The following MYH7B variants were observed in gnomAD, a reference collection of about 807,000 sequenced individuals.
MYH7B encodes the protein myosin heavy chain 7B.
Under a neutral mutation model 234.5 loss-of-function variants are expected in MYH7B, and 205 were observed. That is an observed-to-expected ratio of 0.87 (90% CI 0.78 to 0.98). The LOEUF (loss-of-function observed/expected upper bound fraction) is 0.98, where lower values mean the gene tolerates loss of function less well. Among genes scored for constraint, MYH7B ranks in the 50% least tolerant of loss-of-function variants. The pLI is 0.00. For missense variants in MYH7B, 2,652 were observed against 2,633.4 expected (o/e 1.01, Z -0.15); for synonymous variants, 1,193 against 1,105.0 (o/e 1.08, Z -1.58).
intron 7 of MYH7B, chr20:34,980,099 G>T: frequency 2.1e-6 from 1 of 471,822 alleles, no homozygotes; most frequent in Admixed American, 3.3e-5. Context: ...GTGTGGGCTG[G>T]GGCAGGGCTG....
chr20:34,989,796 C>T lies in MYH7B; in HGVS notation c.1644C>T (p.Asp548=), dbSNP rs962539885. ...AATGCATGTTCCCCAAGGCCTCAGA[C>T]GCCAGCTTCCGGGCCAAGCTCTACG... The change falls in exon 20 of 45, where the codon GAC becomes GAT. Residue 548 remains aspartate, a synonymous_variant. Transcript: ENST00000262873. The T allele has an allele frequency of 5.0e-5, 80 of 1,614,074 alleles. No homozygotes were observed. The highest frequency in any genetic ancestry group is 1.6e-4 in the Middle Eastern group (1 of 6,084).
At position 35,002,022 on chromosome 20, in the gene MYH7B, A is replaced by G. The variant is rs971452731; in HGVS notation, c.5751A>G (p.Ala1917=). 5 of 1,613,940 alleles carry G rather than the reference A, an allele frequency of 3.1e-6. No individual in the cohort carries two copies. The African/African-American group carries it at 5.3e-5, about 17-fold the overall frequency. The change falls in exon 44 of 45, where the codon GCA becomes GCG. Residue 1917 remains alanine (A), a synonymous_variant. Coordinates refer to ENST00000262873, the Ensembl canonical transcript of MYH7B. ...AGCTGGATGATGCGGAGGAGCGGGC[A>G]GACATGGCGGAAACCCAGGCCAACA...
chr20:34,998,643 G>A lies in MYH7B; in HGVS notation c.3993+14G>A, dbSNP rs769309150. 33 of 1,612,664 alleles carry A rather than the reference G, an allele frequency of 2.0e-5. No individual in the cohort carries two copies. The highest frequency in any genetic ancestry group is 2.0e-4 in the Admixed American group (12 of 60,010). On this transcript the variant is annotated intron_variant, in intron 34 of 44. Coordinates refer to ENST00000262873, the Ensembl canonical transcript of MYH7B. ...GAGGAAAGCAAGGTGGGCTGGCACC[G>A]GTGACCATGGAGTGGGCAGGTGGGC...
chr20:34,993,563 T>C, intron 26 of MYH7B, 93 bp downstream of exon 26: 2 of 1,342,156 alleles, frequency 1.5e-6, no homozygotes, highest in Non-Finnish European at 2.0e-6. Context: ...TGCTGCCCTG[T>C]AGTCAGATCA....
In MYH7B at chr20:34,997,069, T is replaced by C. The variant is rs2147231100; in HGVS notation, c.3267-14T>C. ...GTTAAGGCCTGTGCTGGCCACCCAC[T>C]CTGTGGCTCCCAGGAAGGACTCCGA... On this transcript the variant is annotated splice_polypyrimidine_tract_variant and intron_variant, in intron 30 of 44. Coordinates refer to ENST00000262873, the Ensembl canonical transcript of MYH7B. The C allele has an allele frequency of 3.2e-6, 5 of 1,547,748 alleles. No homozygotes were observed. The highest frequency in any genetic ancestry group is 4.4e-6 in the Non-Finnish European group (5 of 1,146,540).
At chr20:34,986,294 C>A in intron 14 of MYH7B, 96 bp downstream of exon 14, 2 of 932,248 alleles carry the variant, frequency 2.1e-6, no homozygotes, top group Non-Finnish European at 3.4e-6. Context: ...GGTGGTCTTT[C>A]CCTCCCTGTC....
intron 3 of MYH7B, among the ~76,000 whole-genome samples, chr20:34,975,755 G>A (rs879681080): frequency 8.6e-5 from 13 of 151,904 alleles, no homozygotes; most frequent in Admixed American, 5.2e-4. Context: ...TCGTACTGTC[G>A]CCCAGGCTGG....
At chr20:34,956,525 G>C (rs1219719864) in intron 1 of MYH7B, among the ~76,000 whole-genome samples, 1 of 151,680 alleles carries the variant, frequency 6.6e-6, no homozygotes, top group Non-Finnish European at 1.5e-5. Flanking sequence ...CGAAGCACCT[G>C]ATACGAATTT....
chr20:34,971,712 C>T (rs1206827926), intron 2 of MYH7B, among the ~76,000 whole-genome samples: 3 of 152,256 alleles, frequency 2.0e-5, no homozygotes, highest in African/African-American at 7.2e-5. Flanking sequence ...AGTGCATCCT[C>T]CACACCAGCT....
chr20:34,980,219 G>A, intron 7 of MYH7B: 1 of 324,824 alleles, frequency 3.1e-6, no homozygotes, highest in Non-Finnish European at 5.8e-6. Flanking sequence ...GGGGCCTGGG[G>A]CCTGGGGATG....
At chr20:34,959,185 G>T (rs76014274) in intron 2 of MYH7B, among the ~76,000 whole-genome samples, 2 of 152,158 alleles carry the variant, frequency 1.3e-5, no homozygotes, top group Admixed American at 6.5e-5. Flanking sequence ...CATCAGCTAC[G>T]TGGAGGAATT....
chr20:34,993,521 T>A, intron 26 of MYH7B, 51 bp downstream of exon 26: 1 of 1,485,230 alleles, frequency 6.7e-7, no homozygotes, highest in Non-Finnish European at 8.9e-7. Flanking sequence ...GCCTCTCAGC[T>A]CCCAGACCCA....
chr20:35,000,577 C>A, exon 39 of MYH7B: 1 of 1,569,432 alleles, frequency 6.4e-7, no homozygotes, highest in East Asian at 2.3e-5. Context: ...TCGCTGCTGG[C>A]TGCGGAGCTG....
intron 14 of MYH7B, among the ~76,000 whole-genome samples, chr20:34,986,633 T>C (rs1358145308): frequency 6.6e-6 from 1 of 152,144 alleles, no homozygotes; most frequent in African/African-American, 2.4e-5. Context: ...CTGTGGCTCA[T>C]TCCTCAGAGA....
intron 1 of MYH7B, among the ~76,000 whole-genome samples, chr20:34,956,443 C>G (rs967670065): frequency 2.0e-5 from 3 of 152,172 alleles, no homozygotes; most frequent in Non-Finnish European, 4.4e-5. Context: ...TACCCCCCAC[C>G]TCATTGCTTG....
intron 19 of MYH7B, among the ~76,000 whole-genome samples, chr20:34,989,532 C>T (rs1293735033): frequency 6.6e-6 from 1 of 152,168 alleles, no homozygotes; most frequent in Non-Finnish European, 1.5e-5. Context: ...GCAGATTTTG[C>T]AGGAGGGGAC....
chr20:35,001,796 T>C, intron 43 of MYH7B, 152 bp from the exon 44 acceptor site: 1 of 1,283,146 alleles, frequency 7.8e-7, no homozygotes, highest in Non-Finnish European at 1.1e-6. Flanking sequence ...CCAACTTCCT[T>C]ATTCCCGCTG....
chr20:34,994,218 C>T, exon 27 of MYH7B: 2 of 1,613,358 alleles, frequency 1.2e-6, no homozygotes, highest in Middle Eastern at 1.6e-4. Context: ...GGATGAAGCT[C>T]TTTTTCAAGA....
At chr20:34,984,651 G>A (rs765936664) in intron 10 of MYH7B, 41 bp from the exon 11 acceptor site, 16 of 903,028 alleles carry the variant, frequency 1.8e-5, no homozygotes, top group East Asian at 1.6e-4. Context: ...CTTCCCCACC[G>A]GAGGCCTGGC....
Sources: allele counts gnomAD v4.1 joint callset (sites outside exome capture counted in the v4.1 genomes callset), GRCh38; gene constraint gnomAD v4.1.1; transcripts MANE v1.5; gene names NCBI Gene and HGNC (gene_info 2026-07-23, HGNC 2026-07-21).